The following KCNH5 variants were observed in gnomAD, a reference collection of about 807,000 sequenced individuals.
KCNH5 encodes the protein voltage-gated delayed rectifier potassium channel KCNH5.
A neutral mutation model predicts 96.1 loss-of-function variants in KCNH5; 46 were observed. That is an observed-to-expected ratio of 0.48 (90% confidence interval 0.38 to 0.61). The LOEUF (loss-of-function observed/expected upper bound fraction) is 0.61. KCNH5 is among the 20% of genes least tolerant of loss of function. The pLI, the probability that KCNH5 is intolerant of heterozygous loss-of-function variation, is 0.00. For missense variants in KCNH5, 907 were observed against 1,225.8 expected (o/e 0.74, Z 3.88); for synonymous variants, 439 against 449.8 (o/e 0.98, Z 0.30).
intron 7 of KCNH5, among the ~76,000 whole-genome samples, chr14:62,862,626 T>C (rs557942361): frequency 7.2e-5 from 11 of 152,328 alleles, no homozygotes; most frequent in Non-Finnish European, 1.6e-4. Flanking sequence ...CTTCCAGAGC[T>C]AGACCTTCAG....
chr14:62,860,853 T>C (rs1230122320), intron 7 of KCNH5, among the ~76,000 whole-genome samples: 1 of 152,232 alleles, frequency 6.6e-6, no homozygotes, highest in African/African-American at 2.4e-5. Flanking sequence ...GTGAGTGCAA[T>C]GCTATCTATG....
chr14:62,900,827 G>C (rs1159358385), intron 7 of KCNH5, among the ~76,000 whole-genome samples: 1 of 151,956 alleles, frequency 6.6e-6, no homozygotes, highest in Non-Finnish European at 1.5e-5. Flanking sequence ...TGACACACAG[G>C]GAGAAGATAT....
chr14:62,886,316 C>A (rs1888596415), intron 7 of KCNH5, among the ~76,000 whole-genome samples: 1 of 152,198 alleles, frequency 6.6e-6, no homozygotes, highest in Non-Finnish European at 1.5e-5. Context: ...TACTGTGTAG[C>A]ACGTGAAAAT....
At chr14:63,039,616 G>A (rs542612037) in intron 1 of KCNH5, among the ~76,000 whole-genome samples, 31 of 151,980 alleles carry the variant, frequency 2.0e-4, no homozygotes, top group South Asian at 4.1e-4. Flanking sequence ...CTGAAATTGC[G>A]TATTACCATA....
chr14:62,916,193 C>G (rs1889272221), intron 7 of KCNH5, among the ~76,000 whole-genome samples: 1 of 152,054 alleles, frequency 6.6e-6, no homozygotes, highest in Non-Finnish European at 1.5e-5. Flanking sequence ...ACCTCGTGAT[C>G]TGCCTGCCTC....
chr14:62,834,239 C>CT (rs141822820), intron 8 of KCNH5, among the ~76,000 whole-genome samples: 1,905 of 151,980 alleles, frequency 0.013, 35 homozygotes, highest in African/African-American at 0.041. Flanking sequence ...AGCTCTTTTC[C>CT]TTTTCCTAGC....
At chr14:62,973,113 GGGTA>G (rs1890439500) in intron 6 of KCNH5, among the ~76,000 whole-genome samples, 4 of 141,030 alleles carry the variant, frequency 2.8e-5, no homozygotes, top group Admixed American at 2.1e-4. Context: ...TGGGAGCAAA[GGGTA>G]CAGTACATGG....
chr14:62,982,729 C>T (rs1890633346), intron 5 of KCNH5, among the ~76,000 whole-genome samples: 2 of 152,090 alleles, frequency 1.3e-5, no homozygotes, highest in Non-Finnish European at 2.9e-5. Flanking sequence ...ATATAATATC[C>T]ATTTTTACTA....
chr14:62,835,396 A>C (rs899836263), intron 8 of KCNH5, among the ~76,000 whole-genome samples: 16 of 152,054 alleles, frequency 1.1e-4, no homozygotes, highest in Admixed American at 4.6e-4. Context: ...TAATGACCCA[A>C]CTGCTTTTGT....
At chr14:62,734,200 C>A (rs947447414) in intron 10 of KCNH5, among the ~76,000 whole-genome samples, 5 of 152,042 alleles carry the variant, frequency 3.3e-5, no homozygotes, top group African/African-American at 1.2e-4. Context: ...AGTGATGATT[C>A]ATCGAAAATC....
intron 7 of KCNH5, among the ~76,000 whole-genome samples, chr14:62,886,121 GACACACACACACACACACAC>G (rs58900799): frequency 2.0e-5 from 3 of 147,806 alleles, no homozygotes; most frequent in African/African-American, 5.0e-5. Context: ...ACCTGCAGAG[GACACACACACACACACACAC>G]ACACACACAC....
At chr14:62,762,948 AC>A (rs927683481) in intron 10 of KCNH5, among the ~76,000 whole-genome samples, 4 of 152,148 alleles carry the variant, frequency 2.6e-5, no homozygotes, top group African/African-American at 4.8e-5. Context: ...ATAATGGGAG[AC>A]TTCAACACCC....
intron 6 of KCNH5, among the ~76,000 whole-genome samples, chr14:62,952,430 A>G (rs988855428): frequency 6.6e-6 from 1 of 152,320 alleles, no homozygotes; most frequent in East Asian, 1.9e-4. Flanking sequence ...GAGCACTCCT[A>G]TATGCCAAGT....
intron 7 of KCNH5, among the ~76,000 whole-genome samples, chr14:62,942,416 C>T (rs1376938327): frequency 6.6e-6 from 1 of 152,142 alleles, no homozygotes; most frequent in Admixed American, 6.6e-5. Flanking sequence ...TATTTATTTC[C>T]TTTTCCGGTG....
chr14:62,997,722 C>A (rs1209309577), intron 4 of KCNH5, among the ~76,000 whole-genome samples: 5 of 151,236 alleles, frequency 3.3e-5, no homozygotes, highest in Non-Finnish European at 5.9e-5. Context: ...ACAGTGAAAC[C>A]CCGTCTCTAC....
intron 6 of KCNH5, among the ~76,000 whole-genome samples, chr14:62,953,043 ACTCT>A (rs907655924): frequency 2.0e-5 from 3 of 151,694 alleles, no homozygotes; most frequent in African/African-American, 7.3e-5. Flanking sequence ...AGCATTATAG[ACTCT>A]CTCTGCCACA....
At chr14:62,960,985 T>C (rs920997933) in intron 6 of KCNH5, among the ~76,000 whole-genome samples, 1 of 152,208 alleles carries the variant, frequency 6.6e-6, no homozygotes, top group Non-Finnish European at 1.5e-5. Context: ...ACTTTTAATA[T>C]GCTTCTTTTT....
Position 62,748,770 on chromosome 14 carries a change from T to A in KCNH5, c.2019+30958A>T, listed in dbSNP as rs553124479. ...AGTTCCGACAAAAAAAATCTTCCAA[T>A]ATCTGGAAGATTAATAAGTGTCCAA... On this transcript the variant is annotated intron_variant, in intron 10 of 10. Coordinates refer to ENST00000322893, the MANE Select transcript of KCNH5 (RefSeq NM_139318.5). 5.3e-5 allele frequency among the ~76,000 whole-genome samples: 8 copies of A among 152,228 alleles called. No homozygotes were observed. In the East Asian group the frequency reaches 1.5e-3, roughly 29 times the overall value.
At chr14:62,722,699 T>A (rs74457154) in intron 10 of KCNH5, among the ~76,000 whole-genome samples, 4,885 of 152,202 alleles carry the variant, frequency 0.032, 137 homozygotes, top group South Asian at 0.081. Flanking sequence ...ATGTGAAAAA[T>A]AACATCATTT....
Sources: gnomAD v4.1 joint callset for allele counts (sites outside exome capture counted in the v4.1 genomes callset) on GRCh38, gnomAD v4.1.1 for gene constraint, MANE v1.5 for transcripts, NCBI Gene and HGNC (gene_info 2026-07-23, HGNC 2026-07-21) for gene names.